NME5: variants seen among roughly 807,000 people sequenced by gnomAD.
NME5 encodes the protein nucleoside diphosphate kinase 5.
NME5 carries 18 observed loss-of-function variants against 21.6 expected under a neutral mutation model. The ratio of observed to expected loss-of-function variants is 0.83; its 90% confidence interval spans 0.58 to 1.24. The LOEUF is 1.24. NME5 is among the 50% of genes most tolerant of loss of function. NME5 has a pLI of 0.00. For missense variants in NME5, 223 were observed against 255.4 expected (o/e 0.87, Z 0.86); for synonymous variants, 70 against 80.6 (o/e 0.87, Z 0.71).
At chr5:138,117,119 G>A (rs1208052033) in intron 5 of NME5, among the ~76,000 whole-genome samples, 1 of 137,322 alleles carries the variant, frequency 7.3e-6, no homozygotes, top group African/African-American at 2.7e-5. Flanking sequence ...TGGTGCACAA[G>A]AATCACTTGA....
intron 5 of NME5, among the ~76,000 whole-genome samples, chr5:138,117,890 A>G (rs868585265): frequency 6.6e-6 from 1 of 151,988 alleles, no homozygotes; most frequent in East Asian, 2.0e-4. Flanking sequence ...AGGCTGAGGC[A>G]GGAGAATCAC....
intron 3 of NME5, chr5:138,128,783 C>T: frequency 2.2e-6 from 1 of 454,798 alleles, no homozygotes; most frequent in Non-Finnish European, 3.8e-6. Context: ...GAGGAATACA[C>T]TGAGAAAATA....
intron 2 of NME5, among the ~76,000 whole-genome samples, chr5:138,137,085 A>G (rs1267328672): frequency 6.6e-6 from 1 of 151,466 alleles, no homozygotes; most frequent in Admixed American, 6.6e-5. Context: ...AATTTTTTTA[A>G]TATGTAGATC....
chr5:138,115,796 G>T, intron 5 of NME5, 32 bp from the exon 6 acceptor site: 1 of 1,436,404 alleles, frequency 7.0e-7, no homozygotes, highest in East Asian at 2.3e-5. Flanking sequence ...CCTAAGTTAA[G>T]AAACAGTTAC....
rs1477686581 is a variant in NME5 at position 138,138,686 on chromosome 5, T to A, written c.95A>T (p.Asp32Val). ...DIVDKEEEIQ[D>V]IILRSGFTIV... ...GGTGAATCCGGATCTAAGAATAATA[T>A]CTTGTATCTCCTCCTCTTTGTCAAC... Residue 32 changes from aspartate (D) to valine (V), a missense_variant, in exon 2 of 6, where the codon GAT (aspartate) becomes GTT (valine). Physicochemically the swap from Asp to Val is radical, Grantham distance 152. Transcript: ENST00000265191. 6.2e-7 allele frequency: 1 copy of A among 1,612,790 alleles called. No homozygotes were observed. The highest frequency in any genetic ancestry group is 1.7e-5 in the Admixed American group (1 of 59,650).
At chr5:138,121,820 G>A (rs1212834429) in intron 4 of NME5, among the ~76,000 whole-genome samples, 1 of 152,098 alleles carries the variant, frequency 6.6e-6, no homozygotes, top group Non-Finnish European at 1.5e-5. Context: ...GTAAAAGTAT[G>A]CATGGACTTT....
rs766135211 is a variant in NME5, at chr5:138,118,811, T to G, written c.555+7A>C. 4 of 1,560,318 alleles carry G rather than the reference T, an allele frequency of 2.6e-6. No homozygotes were observed. The African/African-American group carries it at 5.4e-5, about 21-fold the overall frequency. On this transcript the variant is annotated splice_region_variant and intron_variant, in intron 5 of 5. Transcript: ENST00000265191. ...TATTCTTAAGTGTGAATAAAAATAT[T>G]TCTTACCAAAGGATCTGCTGGTTTT...
At position 138,135,466 on chromosome 5, in the gene NME5, C is replaced by T. The variant is rs375568927; in HGVS notation, c.129+3186G>A. Among the ~76,000 whole-genome samples, 10 of 151,942 alleles carry T rather than the reference C, an allele frequency of 6.6e-5. No homozygotes were observed. The East Asian group carries it at 2.0e-3, about 30-fold the overall frequency. The stretch of plus-strand genomic sequence containing the variant: ...TCTCCTGCCCCAGCCTCCCCAGTAG[C>T]TGAGATTACAGGCACGTGCCACCAC... On this transcript the variant is annotated intron_variant, in intron 2 of 5. Coordinates refer to ENST00000265191, the MANE Select transcript of NME5 (RefSeq NM_003551.3).
intron 2 of NME5, among the ~76,000 whole-genome samples, chr5:138,129,807 A>G (rs1204068272): frequency 2.6e-5 from 4 of 152,120 alleles, no homozygotes; most frequent in African/African-American, 9.7e-5. Context: ...AAATTCAAAA[A>G]ATTAGCCGGG....
chr5:138,135,575 T>G (rs1046029897), intron 2 of NME5, among the ~76,000 whole-genome samples: 2 of 152,006 alleles, frequency 1.3e-5, no homozygotes, highest in African/African-American at 4.8e-5. Flanking sequence ...CCTCAGGTGA[T>G]CCACCCGCCT....
intron 4 of NME5, chr5:138,127,562 A>G (rs1751452640): frequency 1.0e-6 from 1 of 983,748 alleles, no homozygotes; most frequent in Non-Finnish European, 1.2e-6. Flanking sequence ...AAAAAATCCA[A>G]AATTTTGCTC....
rs964435112 is a variant in NME5 at position 138,115,452 on chromosome 5, G to A, written c.*229C>T. On this transcript the variant is annotated 3_prime_UTR_variant, in exon 6 of 6. Coordinates refer to ENST00000265191, the MANE Select transcript of NME5 (RefSeq NM_003551.3). ...AAACATCTAGCAACATCTTACATGA[G>A]TTTTCCATTACCTAGTGTTACATCA... 2 of 330,034 alleles carry A rather than the reference G, an allele frequency of 6.1e-6. No homozygotes were observed. Among genetic ancestry groups the A allele is most frequent in the African/African-American group, 2.1e-5 (1 of 46,702 alleles). The allele number at this position is 330,034 out of a possible 1,614,324, so 20.4% of individuals were successfully genotyped here.
chr5:138,132,037 G>A (rs1390524299), intron 2 of NME5, among the ~76,000 whole-genome samples: 3 of 152,206 alleles, frequency 2.0e-5, no homozygotes, highest in African/African-American at 7.2e-5. Context: ...GAGCCACCGC[G>A]CCCGGCCTTG....
chr5:138,128,336 T>G, intron 4 of NME5, 143 bp downstream of exon 4: 1 of 649,758 alleles, frequency 1.5e-6, no homozygotes, highest in South Asian at 2.1e-5. Flanking sequence ...GCTTCAAGTT[T>G]TTAAGTAACT....
intron 5 of NME5, among the ~76,000 whole-genome samples, chr5:138,117,692 A>AG (rs1272093820): frequency 6.6e-6 from 1 of 152,136 alleles, no homozygotes; most frequent in Non-Finnish European, 1.5e-5. Flanking sequence ...ACAAAAAAAA[A>AG]GAAAGATAGG....
intron 2 of NME5, among the ~76,000 whole-genome samples, chr5:138,136,247 T>A (rs1242021136): frequency 6.6e-6 from 1 of 152,216 alleles, no homozygotes; most frequent in Non-Finnish European, 1.5e-5. Context: ...AGGACAGATT[T>A]CCAAGAGCAG....
intron 5 of NME5, among the ~76,000 whole-genome samples, chr5:138,117,861 T>G (rs1450811802): frequency 6.6e-6 from 1 of 151,470 alleles, no homozygotes; most frequent in East Asian, 2.0e-4. Context: ...TGTTCGCCTG[T>G]AAATCCCAGC....
At chr5:138,133,267 A>ATT (rs553383909) in intron 2 of NME5, among the ~76,000 whole-genome samples, 9 of 145,454 alleles carry the variant, frequency 6.2e-5, no homozygotes, top group African/African-American at 2.3e-4. Flanking sequence ...CGCCCGGCTA[A>ATT]TTTTTTTTTT....
chr5:138,134,969 C>T (rs890386235), intron 2 of NME5, among the ~76,000 whole-genome samples: 2 of 150,920 alleles, frequency 1.3e-5, no homozygotes, highest in African/African-American at 4.9e-5. Flanking sequence ...TCCCAAAGAG[C>T]TGGGATTACA....
Sources: allele counts gnomAD v4.1 joint callset (sites outside exome capture counted in the v4.1 genomes callset), GRCh38; gene constraint gnomAD v4.1.1; transcripts MANE v1.5; gene names NCBI Gene and HGNC (gene_info 2026-07-23, HGNC 2026-07-21).